Variants in REG4 observed in about 807,000 individuals in gnomAD.
REG4 encodes the protein regenerating islet-derived protein 4.
REG4 carries 16 observed loss-of-function variants against 22.3 expected under a neutral mutation model. The ratio of observed to expected loss-of-function variants is 0.72; its 90% CI spans 0.49 to 1.09. REG4 has a LOEUF of 1.09. REG4 is among the 50% of genes least tolerant of loss of function. The pLI, the probability that REG4 is intolerant of heterozygous loss-of-function variation, is 0.00. For synonymous variants in REG4, 71 were observed against 69.2 expected, an observed-to-expected ratio of 1.03 and a Z score of -0.13; for missense variants, 214 against 193.9, an observed-to-expected ratio of 1.10 and a Z score of -0.61.
chr1:119,802,677 G>A lies in REG4; in HGVS notation c.165+391C>T, dbSNP rs189524910. Reference sequence around the variant, plus strand: ...CAGCGGCTCCAAGGTGTCTGCTCCAGGCATGTCTACACACCACTCTCTTTC... The same window carrying A: ...CAGCGGCTCCAAGGTGTCTGCTCCAAGCATGTCTACACACCACTCTCTTTC... On this transcript the variant is annotated intron_variant, in intron 3 of 5. Coordinates refer to ENST00000256585, the MANE Select transcript of REG4 (RefSeq NM_032044.4). 40 of 1,398,296 alleles carry A rather than the reference G, an allele frequency of 2.9e-5. No homozygotes were observed. The African/African-American group carries it at 5.8e-4, about 20-fold the overall frequency. 86.6% of individuals were successfully genotyped at this position (1,398,296 alleles called of 1,614,324 possible).
chr1:119,798,337 T>TAA (rs1361728855), intron 5 of REG4, among the ~76,000 whole-genome samples, 160 bp downstream of exon 5: 1 of 152,248 alleles, frequency 6.6e-6, no homozygotes, highest in Non-Finnish European at 1.5e-5. Context: ...TGAATGTTGG[T>TAA]AACCAATGTC....
chr1:119,808,837 C>A lies in REG4; in HGVS notation c.-68G>T, dbSNP rs587601757. 1.8e-6 allele frequency: 2 copies of A among 1,115,292 alleles called. No homozygotes were observed. The highest frequency in any genetic ancestry group is 2.4e-5 in the East Asian group (1 of 41,480). 69.1% of individuals were successfully genotyped at this position (1,115,292 alleles called of 1,614,324 possible). ...AGACCTTACTAGCGCTTCTTTGAAA[C>A]TCCTGGGTTCTCCTTGATCTGCAAA... On this transcript the variant is annotated 5_prime_UTR_variant, in exon 2 of 6. Transcript: ENST00000256585.
At chr1:119,805,033 C>G (rs1328749774) in intron 2 of REG4, among the ~76,000 whole-genome samples, 2 of 152,168 alleles carry the variant, frequency 1.3e-5, no homozygotes, top group Admixed American at 6.5e-5. Context: ...GATGGAAAAG[C>G]TGCTTTGCAG....
rs948112085 is a variant in REG4, at chr1:119,794,023, G to A, written c.*595C>T. The A allele has an allele frequency of 1.8e-5, 9 of 488,340 alleles. No homozygotes were observed. Among genetic ancestry groups the A allele is most frequent in the Middle Eastern group, 3.4e-4 (1 of 2,914 alleles). 30.3% of individuals were successfully genotyped at this position (488,340 alleles called of 1,614,324 possible). A position where few individuals can be genotyped will look rare whatever the true frequency, so the allele number is the denominator to read the frequency against. On this transcript the variant is annotated 3_prime_UTR_variant, in exon 6 of 6. Transcript: ENST00000256585. ...GAAGGAGACGAAGAAGCACTTGGGTGTATTTCTTGGTCTTATTTCACTTTT... is the reference window on the plus strand; with the variant it reads ...GAAGGAGACGAAGAAGCACTTGGGTATATTTCTTGGTCTTATTTCACTTTT...
intron 4 of REG4, 53 bp downstream of exon 4, chr1:119,799,672 G>A (rs1263594210): frequency 9.4e-6 from 15 of 1,593,154 alleles, no homozygotes; most frequent in African/African-American, 1.3e-5. Flanking sequence ...CCCAAAAAGA[G>A]GATGCCAGCC....
intron 2 of REG4, among the ~76,000 whole-genome samples, chr1:119,807,031 T>A (rs890511958): frequency 6.6e-6 from 1 of 152,228 alleles, no homozygotes; most frequent in African/African-American, 2.4e-5. Flanking sequence ...CCATCATCAT[T>A]ATTATGTAAT....
chr1:119,802,273 A>T, intron 3 of REG4: 1 of 920,144 alleles, frequency 1.1e-6, no homozygotes, highest in Non-Finnish European at 1.3e-6. Flanking sequence ...TGTTCTGTTT[A>T]AATGTCGCAA....
chr1:119,804,730 G>C (rs1371636675), intron 2 of REG4, among the ~76,000 whole-genome samples: 1 of 152,082 alleles, frequency 6.6e-6, no homozygotes, highest in Non-Finnish European at 1.5e-5. Context: ...TCATCTCTCT[G>C]TTCTCTACCT....
Position 119,808,664 on chromosome 1 carries a change from T to C in REG4, c.67+39A>G, listed in dbSNP as rs769662675. The C allele has an allele frequency of 9.5e-6, 14 of 1,473,534 alleles. No individual in the cohort carries two copies. In the South Asian group the frequency reaches 1.4e-4, roughly 14 times the overall value. The allele number at this position is 1,473,534 out of a possible 1,614,324, so 91.3% of individuals were successfully genotyped here. A position where few individuals can be genotyped will look rare whatever the true frequency, so the allele number is the denominator to read the frequency against. On this transcript the variant is annotated intron_variant, in intron 2 of 5. Transcript: ENST00000256585. ...TGTCTCACATGGGCTGTGTGAACACTGGCTGTGGCTCAGTTCCAGCTACGT... is the reference window on the plus strand; with the variant it reads ...TGTCTCACATGGGCTGTGTGAACACCGGCTGTGGCTCAGTTCCAGCTACGT...
intron 1 of REG4, among the ~76,000 whole-genome samples, chr1:119,810,529 C>T (rs983299782): frequency 8.5e-5 from 13 of 152,274 alleles, no homozygotes; most frequent in Middle Eastern, 3.4e-3. Flanking sequence ...TGACCTTCCC[C>T]ACCCCTTACT....
chr1:119,802,037 A>G (rs2101070079), intron 3 of REG4: 1 of 146,556 alleles, frequency 6.8e-6, no homozygotes, highest in East Asian at 1.9e-4. Flanking sequence ...CTCGGTTCCC[A>G]GACATCTTCC....
intron 2 of REG4, among the ~76,000 whole-genome samples, chr1:119,805,045 T>C (rs899002398): frequency 6.6e-6 from 1 of 152,186 alleles, no homozygotes; most frequent in South Asian, 2.1e-4. Context: ...GCTTTGCAGA[T>C]CCAGTTCTCT....
chr1:119,798,185 T>C (rs902807899), intron 5 of REG4, among the ~76,000 whole-genome samples: 2 of 152,208 alleles, frequency 1.3e-5, no homozygotes, highest in African/African-American at 4.8e-5. Flanking sequence ...ATGGGATATA[T>C]ATCCCTCTCA....
chr1:119,802,656 GGCTCCAAGGTGTCT>G (rs1264747210), intron 3 of REG4: 11 of 1,362,326 alleles, frequency 8.1e-6, no homozygotes, highest in Non-Finnish European at 1.0e-5. Flanking sequence ...TTCTGTCAGC[GGCTCCAAGGTGTCT>G]GCTCCAGGCA....
intron 3 of REG4, among the ~76,000 whole-genome samples, chr1:119,800,285 C>T (rs1388009186): frequency 6.6e-6 from 1 of 152,118 alleles, no homozygotes; most frequent in Non-Finnish European, 1.5e-5. Flanking sequence ...GTAAAATGTG[C>T]CATTATTTTG....
intron 2 of REG4, 117 bp from the exon 3 acceptor site, chr1:119,803,282 C>T: frequency 3.8e-6 from 4 of 1,064,018 alleles, no homozygotes; most frequent in Non-Finnish European, 5.1e-6. Context: ...CATGAAGGGT[C>T]CTGCTACACT....
Position 119,794,426 on chromosome 1 carries a change from T to C in REG4, c.*192A>G, listed in dbSNP as rs1653868144. ...TGGAAAGGGATGGCGGGGCAAACAT[T>C]TAGAGCTAGAAGCCACTACTGGGCC... On this transcript the variant is annotated 3_prime_UTR_variant, in exon 6 of 6. Transcript: ENST00000256585. 3.1e-6 allele frequency: 2 copies of C among 654,750 alleles called. No homozygotes were observed. The highest frequency in any genetic ancestry group is 5.5e-6 in the Non-Finnish European group (2 of 361,796). 40.6% of individuals were successfully genotyped at this position (654,750 alleles called of 1,614,324 possible). A position where few individuals can be genotyped will look rare whatever the true frequency, so the allele number is the denominator to read the frequency against.
chr1:119,809,325 T>G (rs897759771), intron 1 of REG4: 1 of 152,294 alleles, frequency 6.6e-6, no homozygotes, highest in African/African-American at 2.4e-5. Flanking sequence ...TCAGTAAGTA[T>G]GAAGTCATTT....
chr1:119,799,783 T>C lies in REG4; in HGVS notation c.245A>G (p.Tyr82Cys). The C allele has an allele frequency of 6.2e-7, 1 of 1,614,196 alleles. No individual in the cohort carries two copies. Among genetic ancestry groups the C allele is most frequent in the Non-Finnish European group, 8.5e-7 (1 of 1,180,040 alleles). The change falls in exon 4 of 6, where the codon TAC becomes TGC. Residue 82 changes from tyrosine (Y) to cysteine (C), a missense_variant. By Grantham distance (194) the Tyr-to-Cys change is radical (BLOSUM62 -2). Transcript: ENST00000256585. ...SLKEASTIAE[Y>C]ISGYQRSQPI... is the part of the protein sequence containing the mutation. ...CTGGCTTCTCTGATAGCCACTTATGTACTCTGCTATGGTGCTGGCTTCCTT... is the reference window on the plus strand; with the variant it reads ...CTGGCTTCTCTGATAGCCACTTATGCACTCTGCTATGGTGCTGGCTTCCTT...
Sources: gnomAD v4.1 joint callset for allele counts (sites outside exome capture counted in the v4.1 genomes callset) on GRCh38, gnomAD v4.1.1 for gene constraint, MANE v1.5 for transcripts, NCBI Gene and HGNC (gene_info 2026-07-23, HGNC 2026-07-21) for gene names.